MAGI2: variants seen among roughly 807,000 people sequenced by gnomAD.
MAGI2 encodes the protein membrane-associated guanylate kinase, WW and PDZ domain-containing protein 2.
In MAGI2, 35 loss-of-function variants were observed where a neutral mutation model predicts 133.3. That is an observed-to-expected ratio of 0.26 (90% CI 0.20 to 0.35). The LOEUF (loss-of-function observed/expected upper bound fraction) is 0.35. Among genes scored for constraint, MAGI2 ranks in the 10% least tolerant of loss-of-function variants. The probability of loss-of-function intolerance (pLI) is 1.00; values close to 1 mark genes in which losing one functional copy is unlikely to be tolerated. For missense variants in MAGI2, 1,636 were observed against 1,863.4 expected (o/e 0.88, Z 2.25); for synonymous variants, 729 against 710.6 (o/e 1.03, Z -0.41).
rs1041654986 is a variant in MAGI2 at position 79,002,145 on chromosome 7, T to A, written c.418+4945A>T. The stretch of plus-strand genomic sequence containing the variant: ...TTCTTCTTCTTCTTCTTTTTTTTTT[T>A]TTTTTAGACAGAGTCTCACTCTGTC... On this transcript the variant is annotated intron_variant, in intron 2 of 21. Transcript: ENST00000354212. 5.3e-5 allele frequency among the ~76,000 whole-genome samples: 8 copies of A among 151,502 alleles called. 1 individual carries two copies. The highest frequency in any genetic ancestry group is 1.9e-4 in the African/African-American group (8 of 41,324).
At chr7:78,320,093 A>AAT (rs993900796) in intron 9 of MAGI2, among the ~76,000 whole-genome samples, 19 of 152,192 alleles carry the variant, frequency 1.2e-4, no homozygotes, top group Admixed American at 2.0e-4. Context: ...CGAATCCTTG[A>AAT]ATAGATCAAT....
rs548573520 is a variant in MAGI2 at position 79,047,571 on chromosome 7, T to C, written c.302-40365A>G. Among the ~76,000 whole-genome samples the C allele has an allele frequency of 1.3e-3, 205 of 152,242 alleles. 1 individual carries two copies. The highest frequency in any genetic ancestry group is 3.1e-3 in the Admixed American group (48 of 15,296). ...ATACAACATTCTTTTATATGTGTGT[T>C]TCATGAAAGAATTAAATTAGGGAAA... On this transcript the variant is annotated intron_variant, in intron 1 of 21. Coordinates refer to ENST00000354212, the MANE Select transcript of MAGI2 (RefSeq NM_012301.4).
chr7:78,938,261 G>A (rs1490948314), intron 2 of MAGI2, among the ~76,000 whole-genome samples: 1 of 152,024 alleles, frequency 6.6e-6, no homozygotes, highest in African/African-American at 2.4e-5. Context: ...CATACAAAGA[G>A]ATATTGAAAG....
At chr7:79,395,044 A>G (rs1844940146) in intron 1 of MAGI2, among the ~76,000 whole-genome samples, 1 of 152,218 alleles carries the variant, frequency 6.6e-6, no homozygotes, top group South Asian at 2.1e-4. Context: ...TCTCAGAGGC[A>G]TACACATTAT....
At chr7:78,147,923 A>G (rs112157743) in intron 16 of MAGI2, among the ~76,000 whole-genome samples, 8 of 152,210 alleles carry the variant, frequency 5.3e-5, no homozygotes, top group African/African-American at 1.9e-4. Flanking sequence ...AAACCTAAAA[A>G]TAACAAGTAC....
intron 3 of MAGI2, among the ~76,000 whole-genome samples, chr7:78,584,790 C>T (rs1803231514): frequency 6.6e-6 from 1 of 152,148 alleles, no homozygotes; most frequent in Non-Finnish European, 1.5e-5. Context: ...TGGCTCAAAT[C>T]CTGATTCTAC....
At chr7:78,709,840 T>C (rs1819001710) in intron 2 of MAGI2, among the ~76,000 whole-genome samples, 1 of 152,152 alleles carries the variant, frequency 6.6e-6, no homozygotes, top group Non-Finnish European at 1.5e-5. Context: ...TGGTCTATGT[T>C]TGTAGGATCA....
At chr7:79,346,537 C>T (rs994104540) in intron 1 of MAGI2, among the ~76,000 whole-genome samples, 1 of 151,938 alleles carries the variant, frequency 6.6e-6, no homozygotes, top group Non-Finnish European at 1.5e-5. Flanking sequence ...ACTATTACAG[C>T]ATCAATCCTT....
intron 3 of MAGI2, among the ~76,000 whole-genome samples, chr7:78,531,553 G>A (rs1490899138): frequency 1.3e-5 from 2 of 152,110 alleles, no homozygotes; most frequent in African/African-American, 4.8e-5. Flanking sequence ...CAATGCTTAA[G>A]AGACAATCCC....
chr7:78,708,879 T>C (rs1818905255), intron 2 of MAGI2, among the ~76,000 whole-genome samples: 1 of 152,064 alleles, frequency 6.6e-6, no homozygotes, highest in African/African-American at 2.4e-5. Flanking sequence ...AAGTACCTTA[T>C]AAGACATTTT....
chr7:78,387,198 G>C (rs1243427631), intron 6 of MAGI2, among the ~76,000 whole-genome samples: 1 of 152,200 alleles, frequency 6.6e-6, no homozygotes, highest in Non-Finnish European at 1.5e-5. Context: ...TGTAAAGACA[G>C]AGTCAGAAAT....
At position 78,160,187 on chromosome 7, in the gene MAGI2, T is replaced by G; in HGVS notation, c.2683A>C (p.Asn895His). 1.2e-6 allele frequency: 2 copies of G among 1,612,628 alleles called. No homozygotes were observed. Among genetic ancestry groups the G allele is most frequent in the Non-Finnish European group, 1.7e-6 (2 of 1,179,290 alleles). ...SPRSDYATYT[N>H]SNHAAPSSNA... ...CTACTGGGGGCAGCGTGGTTGCTGT[T>G]GGTGTAGGTTGCGTAGTCACTGCGT... The change falls in exon 16 of 22, where the codon AAC becomes CAC. Residue 895 changes from asparagine to histidine, a missense_variant. Asn to His is a moderately conservative substitution (Grantham distance 68, BLOSUM62 1). Coordinates refer to ENST00000354212, the MANE Select transcript of MAGI2 (RefSeq NM_012301.4).
intron 2 of MAGI2, among the ~76,000 whole-genome samples, chr7:78,942,961 TC>T (rs906572586): frequency 2.6e-5 from 4 of 152,000 alleles, no homozygotes; most frequent in Non-Finnish European, 5.9e-5. Flanking sequence ...TATCTTGTTA[TC>T]AGCTATTGTG....
intron 3 of MAGI2, among the ~76,000 whole-genome samples, chr7:78,543,576 C>A (rs1370508357): frequency 6.6e-6 from 1 of 152,170 alleles, no homozygotes; most frequent in African/African-American, 2.4e-5. Context: ...AGGGCAAATC[C>A]TTAGTAATTT....
intron 2 of MAGI2, among the ~76,000 whole-genome samples, chr7:78,790,303 A>C (rs1196368464): frequency 6.6e-6 from 1 of 152,168 alleles, no homozygotes; most frequent in East Asian, 1.9e-4. Flanking sequence ...TCTTTTAAAA[A>C]ATACCAGGTC....
chr7:79,204,946 T>C (rs895444504), intron 1 of MAGI2, among the ~76,000 whole-genome samples: 2 of 150,744 alleles, frequency 1.3e-5, no homozygotes, highest in African/African-American at 2.4e-5. Flanking sequence ...AAGAAAACAA[T>C]GTAAAGGAAT....
At chr7:78,610,776 A>G (rs1280306792) in intron 3 of MAGI2, among the ~76,000 whole-genome samples, 3 of 152,208 alleles carry the variant, frequency 2.0e-5, no homozygotes, top group African/African-American at 7.2e-5. Context: ...ACTGGTTTAG[A>G]ATGATGGATA....
chr7:78,837,583 T>C (rs1791750682), intron 2 of MAGI2, among the ~76,000 whole-genome samples: 1 of 152,126 alleles, frequency 6.6e-6, no homozygotes, highest in African/African-American at 2.4e-5. Flanking sequence ...AACCAGTATA[T>C]AGCATATGTA....
intron 1 of MAGI2, among the ~76,000 whole-genome samples, chr7:79,104,078 T>G (rs1818233045): frequency 6.6e-6 from 1 of 152,240 alleles, no homozygotes; most frequent in South Asian, 2.1e-4. Flanking sequence ...CTTAAGATTT[T>G]AGTTCATATT....
Sources: gnomAD v4.1 joint callset for allele counts (sites outside exome capture counted in the v4.1 genomes callset) on GRCh38, gnomAD v4.1.1 for gene constraint, MANE v1.5 for transcripts, NCBI Gene and HGNC (gene_info 2026-07-23, HGNC 2026-07-21) for gene names.